Variants in RBMS3 observed in about 807,000 individuals in gnomAD.
RBMS3 encodes RNA-binding motif, single-stranded-interacting protein 3.
A neutral mutation model predicts 66.8 loss-of-function variants in RBMS3; 27 were observed. The ratio of observed to expected loss-of-function variants is 0.40; its 90% confidence interval spans 0.30 to 0.56. The LOEUF is 0.56. Among genes scored for constraint, RBMS3 ranks in the 20% least tolerant of loss-of-function variants. RBMS3 has a pLI of 0.40. For missense variants in RBMS3, 513 were observed against 549.5 expected (o/e 0.93, Z 0.66); for synonymous variants, 188 against 183.0 (o/e 1.03, Z -0.22).
intron 4 of RBMS3, among the ~76,000 whole-genome samples, chr3:29,684,664 T>TA (rs2051636764): frequency 6.6e-6 from 1 of 152,180 alleles, no homozygotes; most frequent in Non-Finnish European, 1.5e-5. Flanking sequence ...ACTTTTCACA[T>TA]ATGATTGATC....
intron 1 of RBMS3, among the ~76,000 whole-genome samples, chr3:29,358,267 T>G (rs928531986): frequency 3.3e-5 from 5 of 152,208 alleles, no homozygotes; most frequent in Non-Finnish European, 5.9e-5. Context: ...TACTTATGGC[T>G]AGCCAGTTTT....
At chr3:29,348,368 G>A (rs913921377) in intron 1 of RBMS3, among the ~76,000 whole-genome samples, 1 of 152,012 alleles carries the variant, frequency 6.6e-6, no homozygotes, top group Non-Finnish European at 1.5e-5. Context: ...ATTAATAATC[G>A]ATGCAGGTGG....
At chr3:29,399,515 A>C (rs9876003) in intron 1 of RBMS3, among the ~76,000 whole-genome samples, 2 of 152,060 alleles carry the variant, frequency 1.3e-5, no homozygotes, top group Non-Finnish European at 2.9e-5. Flanking sequence ...ATGAATTGCT[A>C]CTGAAAAGTT....
chr3:29,310,201 G>A (rs1373561286), intron 1 of RBMS3, among the ~76,000 whole-genome samples: 1 of 151,642 alleles, frequency 6.6e-6, no homozygotes, highest in East Asian at 1.9e-4. Context: ...AAGAGATGGT[G>A]GATAAGGACA....
intron 2 of RBMS3, among the ~76,000 whole-genome samples, chr3:29,459,276 A>G (rs549305661): frequency 1.3e-5 from 2 of 152,200 alleles, no homozygotes; most frequent in African/African-American, 4.8e-5. Flanking sequence ...ACAGTTTAAT[A>G]GCATACGATT....
chr3:29,485,246 A>G (rs888751483), intron 2 of RBMS3, among the ~76,000 whole-genome samples: 2 of 152,176 alleles, frequency 1.3e-5, no homozygotes, highest in Non-Finnish European at 2.9e-5. Flanking sequence ...TTAAATATGA[A>G]AATTGTATTG....
chr3:29,815,024 G>A (rs1241688833), intron 6 of RBMS3, among the ~76,000 whole-genome samples: 2 of 152,138 alleles, frequency 1.3e-5, no homozygotes, highest in Non-Finnish European at 2.9e-5. Context: ...CTGAGGAGGA[G>A]GGGAACAACA....
At chr3:29,409,828 A>C (rs572484284) in intron 1 of RBMS3, among the ~76,000 whole-genome samples, 1 of 152,244 alleles carries the variant, frequency 6.6e-6, no homozygotes, top group East Asian at 1.9e-4. Context: ...TCAAGGAGCA[A>C]GTTGCAGTAT....
intron 4 of RBMS3, among the ~76,000 whole-genome samples, chr3:29,674,733 G>C (rs1576493224): frequency 1.1e-5 from 1 of 93,880 alleles, no homozygotes; most frequent in South Asian, 3.8e-4. Context: ...ACAAACCACT[G>C]CTCCAAAAAA....
intron 4 of RBMS3, among the ~76,000 whole-genome samples, chr3:29,695,567 C>T (rs1005202042): frequency 6.6e-6 from 1 of 152,012 alleles, no homozygotes; most frequent in African/African-American, 2.4e-5. Context: ...CATTTTTTCC[C>T]CTTTTTTTCT....
chr3:29,721,215 A>G (rs1043514808), intron 4 of RBMS3, among the ~76,000 whole-genome samples: 1 of 152,136 alleles, frequency 6.6e-6, no homozygotes, highest in African/African-American at 2.4e-5. Context: ...TTGTACTCAA[A>G]CTATAACAGA....
chr3:29,895,413 C>T (rs866573048), intron 8 of RBMS3, among the ~76,000 whole-genome samples: 2 of 151,414 alleles, frequency 1.3e-5, no homozygotes, highest in African/African-American at 2.4e-5. Context: ...CAAATTCCCT[C>T]GTGCTCATTT....
chr3:29,819,607 C>G (rs2058019407), intron 6 of RBMS3, among the ~76,000 whole-genome samples: 1 of 152,090 alleles, frequency 6.6e-6, no homozygotes, highest in African/African-American at 2.4e-5. Context: ...TTTATCTAAT[C>G]TTTTAATTAT....
chr3:29,708,461 T>C (rs2053008350), intron 4 of RBMS3, among the ~76,000 whole-genome samples: 2 of 152,172 alleles, frequency 1.3e-5, no homozygotes, highest in Admixed American at 1.3e-4. Flanking sequence ...GAAAATAAAA[T>C]AATAAATCGT....
intron 2 of RBMS3, among the ~76,000 whole-genome samples, chr3:29,449,335 C>CA (rs1559370286): frequency 6.6e-6 from 1 of 151,908 alleles, no homozygotes; most frequent in South Asian, 2.1e-4. Context: ...TTCTTACTTT[C>CA]AAAAAAAGAG....
intron 1 of RBMS3, among the ~76,000 whole-genome samples, chr3:29,339,307 T>TG (rs1349250205): frequency 1.3e-5 from 2 of 152,154 alleles, no homozygotes; most frequent in Non-Finnish European, 2.9e-5. Flanking sequence ...ATGAAAATCT[T>TG]GGGGGCGGGA....
chr3:29,352,715 C>T (rs185874331), intron 1 of RBMS3, among the ~76,000 whole-genome samples: 10 of 152,094 alleles, frequency 6.6e-5, no homozygotes, highest in Non-Finnish European at 1.3e-4. Context: ...TTGTACCCAT[C>T]AACCTACCTC....
chr3:29,564,156 G>A (rs1197060765), intron 3 of RBMS3, among the ~76,000 whole-genome samples: 1 of 152,078 alleles, frequency 6.6e-6, no homozygotes, highest in African/African-American at 2.4e-5. Flanking sequence ...ATTTCACATT[G>A]CATATGTAGC....
intron 6 of RBMS3, among the ~76,000 whole-genome samples, chr3:29,809,171 G>C (rs2371829): frequency 0.37 from 55,544 of 151,424 alleles, 11,117 homozygotes; most frequent in Non-Finnish European, 0.46. Context: ...AGAGTTTAAT[G>C]ACATGTTATA....
Sources: allele counts gnomAD v4.1 joint callset (sites outside exome capture counted in the v4.1 genomes callset), GRCh38; gene constraint gnomAD v4.1.1; transcripts MANE v1.5; gene names NCBI Gene and HGNC (gene_info 2026-07-23, HGNC 2026-07-21).